Variants in YES1 observed in about 807,000 individuals in gnomAD.
YES1 encodes the protein tyrosine-protein kinase Yes.
A neutral mutation model predicts 70.4 loss-of-function variants in YES1; 39 were observed. That is an observed-to-expected ratio of 0.55 (90% CI 0.43 to 0.72). The LOEUF (loss-of-function observed/expected upper bound fraction) is 0.72. Ranked by LOEUF, YES1 falls within the 30% of genes least tolerant of loss-of-function variation. YES1 has a pLI of 0.00. For missense variants in YES1, 495 were observed against 644.8 expected, an observed-to-expected ratio of 0.77 and a Z score of 2.52; for synonymous variants, 198 against 218.6, an observed-to-expected ratio of 0.91 and a Z score of 0.83.
intron 3 of YES1, 136 bp downstream of exon 3, chr18:751,569 C>A: frequency 1.6e-6 from 1 of 608,886 alleles, no homozygotes; most frequent in Non-Finnish European, 2.9e-6. Context: ...TCTATAGAAG[C>A]CAATGCATCG....
intron 1 of YES1, among the ~76,000 whole-genome samples, chr18:788,250 C>T (rs1404525714): frequency 6.6e-6 from 1 of 152,026 alleles, no homozygotes; most frequent in Non-Finnish European, 1.5e-5. Context: ...CAAAAAAGTT[C>T]ATGTTTCCTT....
At chr18:805,781 G>A (rs1437895671) in intron 1 of YES1, among the ~76,000 whole-genome samples, 2 of 152,016 alleles carry the variant, frequency 1.3e-5, no homozygotes, top group Admixed American at 6.6e-5. Flanking sequence ...CAATACATTC[G>A]CCAGGAAACA....
At chr18:739,617 A>T (rs975462337) in intron 9 of YES1, 118 bp downstream of exon 9, 2 of 829,034 alleles carry the variant, frequency 2.4e-6, no homozygotes, top group African/African-American at 3.6e-5. Context: ...TCTAAAAAAT[A>T]AAAAATAAAA....
At chr18:726,209 A>G (rs1486658733) in intron 11 of YES1, among the ~76,000 whole-genome samples, 1 of 151,974 alleles carries the variant, frequency 6.6e-6, no homozygotes, top group Admixed American at 6.6e-5. Context: ...GCAGATCACG[A>G]GGTCAAGAGA....
At chr18:765,647 C>A (rs1259750912) in intron 1 of YES1, among the ~76,000 whole-genome samples, 1 of 152,102 alleles carries the variant, frequency 6.6e-6, no homozygotes, top group Non-Finnish European at 1.5e-5. Flanking sequence ...ACCCACCCAC[C>A]CTGGCCTCTC....
chr18:760,482 AAACAAC>A (rs575429585), intron 1 of YES1, among the ~76,000 whole-genome samples: 7 of 152,014 alleles, frequency 4.6e-5, no homozygotes, highest in Admixed American at 1.3e-4. Flanking sequence ...AAAAACAAAC[AAACAAC>A]AACAACAACA....
chr18:791,953 C>G (rs982217338), intron 1 of YES1, among the ~76,000 whole-genome samples: 1 of 151,882 alleles, frequency 6.6e-6, no homozygotes, highest in African/African-American at 2.4e-5. Flanking sequence ...TACTCGAAAT[C>G]GGGTGTGTAT....
intron 1 of YES1, among the ~76,000 whole-genome samples, chr18:808,016 G>T (rs748559394): frequency 6.6e-6 from 1 of 152,200 alleles, no homozygotes; most frequent in Non-Finnish European, 1.5e-5. Context: ...AAAAGGAGTT[G>T]AGGCACAGAG....
intron 1 of YES1, among the ~76,000 whole-genome samples, chr18:781,446 C>G (rs558207753): frequency 1.4e-4 from 22 of 152,232 alleles, no homozygotes; most frequent in African/African-American, 5.1e-4. Flanking sequence ...TTAGCTTAAA[C>G]GTTCAAGGAA....
At chr18:740,068 C>T (rs1338943497) in intron 8 of YES1, among the ~76,000 whole-genome samples, 1 of 152,120 alleles carries the variant, frequency 6.6e-6, no homozygotes, top group African/African-American at 2.4e-5. Flanking sequence ...ATTTTTTCCT[C>T]GCTTTGATCA....
intron 11 of YES1, among the ~76,000 whole-genome samples, chr18:729,619 C>CTT (rs869223956): frequency 0.016 from 1,208 of 75,448 alleles, 1 homozygote; most frequent in Non-Finnish European, 0.019. Flanking sequence ...TGATTTTGAA[C>CTT]TTTTTTTTTT....
At chr18:752,408 C>T (rs565064453) in intron 2 of YES1, among the ~76,000 whole-genome samples, 1 of 152,204 alleles carries the variant, frequency 6.6e-6, no homozygotes, top group East Asian at 1.9e-4. Flanking sequence ...CTGTGCCCAG[C>T]CAACAAATTT....
intron 1 of YES1, among the ~76,000 whole-genome samples, chr18:764,628 T>C (rs375077929): frequency 6.6e-6 from 1 of 152,226 alleles, no homozygotes; most frequent in Admixed American, 6.5e-5. Flanking sequence ...AGGTTCATGC[T>C]GTGAAGTCTG....
intron 1 of YES1, among the ~76,000 whole-genome samples, chr18:805,020 A>G (rs188817367): frequency 6.6e-6 from 1 of 152,262 alleles, no homozygotes; most frequent in Admixed American, 6.5e-5. Context: ...TCCATGGGTC[A>G]GTTTTTTATA....
At chr18:795,843 CA>C (rs1906513883) in intron 1 of YES1, among the ~76,000 whole-genome samples, 1 of 151,088 alleles carries the variant, frequency 6.6e-6, no homozygotes, top group African/African-American at 2.4e-5. Context: ...ATAGGTGAAG[CA>C]AAACACCATG....
chr18:743,824 T>C (rs1290896541), intron 6 of YES1, among the ~76,000 whole-genome samples: 1 of 151,416 alleles, frequency 6.6e-6, no homozygotes, highest in Non-Finnish European at 1.5e-5. Flanking sequence ...ATGGATCGCA[T>C]GAACCCAGGA....
chr18:740,694 G>A (rs1449264492), intron 8 of YES1, among the ~76,000 whole-genome samples: 1 of 152,176 alleles, frequency 6.6e-6, no homozygotes, highest in Non-Finnish European at 1.5e-5. Flanking sequence ...AGGAATTAAA[G>A]AGTTTTAAAA....
chr18:726,990 G>C (rs909519440), intron 11 of YES1, among the ~76,000 whole-genome samples: 1 of 152,018 alleles, frequency 6.6e-6, no homozygotes, highest in African/African-American at 2.4e-5. Context: ...GCTACATGTG[G>C]AAAGTTCTTT....
Position 747,856 on chromosome 18 carries a change from T to G in YES1, c.470+64A>C. On this transcript the variant is annotated intron_variant, in intron 4 of 11. Coordinates refer to ENST00000314574, the MANE Select transcript of YES1 (RefSeq NM_005433.4). ...CTGTGTGTGTAAAGTTGTGGCTAAG[T>G]AGAATGTGCATTAAAACATTTCAAA... 4 of 1,469,528 alleles carry G rather than the reference T, an allele frequency of 2.7e-6. No homozygotes were observed. In the South Asian group the frequency reaches 4.6e-5, roughly 17 times the overall value. 91.0% of individuals were successfully genotyped at this position (1,469,528 alleles called of 1,614,324 possible).
Sources: gnomAD v4.1 joint callset for allele counts (sites outside exome capture counted in the v4.1 genomes callset) on GRCh38, gnomAD v4.1.1 for gene constraint, MANE v1.5 for transcripts, NCBI Gene and HGNC (gene_info 2026-07-23, HGNC 2026-07-21) for gene names.